The following SEMA6D variants were observed in gnomAD, a reference collection of about 807,000 sequenced individuals.
SEMA6D encodes semaphorin-6D.
Under a neutral mutation model 106.6 loss-of-function variants are expected in SEMA6D, and 35 were observed. The ratio of observed to expected loss-of-function variants is 0.33; its 90% CI spans 0.25 to 0.44. SEMA6D has a LOEUF of 0.44. Among genes scored for constraint, SEMA6D ranks in the 20% least tolerant of loss-of-function variants. The pLI, the probability that SEMA6D is intolerant of heterozygous loss-of-function variation, is 1.00. For synonymous variants in SEMA6D, 499 were observed against 487.7 expected, an observed-to-expected ratio of 1.02 and a Z score of -0.31; for missense variants, 1,185 against 1,345.9, an observed-to-expected ratio of 0.88 and a Z score of 1.87.
At position 47,609,427 on chromosome 15, in the gene SEMA6D, T is replaced by C. The variant is rs1329967503; in HGVS notation, c.-55+8531T>C. Among the ~76,000 whole-genome samples, 4 of 152,264 alleles carry C rather than the reference T, an allele frequency of 2.6e-5. No homozygotes were observed. The East Asian group carries it at 7.7e-4, about 29-fold the overall frequency. ...AATGTACAAATATGAGTCTACAAGT[T>C]TAAAAACAGAAAACAGAAGACTTTT... On this transcript the variant is annotated intron_variant, in intron 4 of 19. Coordinates refer to the SEMA6D transcript ENST00000558014.
intron 1 of SEMA6D, among the ~76,000 whole-genome samples, chr15:47,244,512 A>G (rs2033095884): frequency 6.6e-6 from 1 of 152,190 alleles, no homozygotes; most frequent in South Asian, 2.1e-4. Flanking sequence ...TGTGATAAAT[A>G]GTATTATTAC....
At chr15:47,286,051 G>T (rs1432696524) in intron 1 of SEMA6D, among the ~76,000 whole-genome samples, 1 of 152,118 alleles carries the variant, frequency 6.6e-6, no homozygotes, top group Non-Finnish European at 1.5e-5. Flanking sequence ...TTGACTCTAT[G>T]CCTTATTCAG....
chr15:47,444,194 T>C (rs1274585495), intron 2 of SEMA6D, among the ~76,000 whole-genome samples: 1 of 152,266 alleles, frequency 6.6e-6, no homozygotes, highest in East Asian at 1.9e-4. Flanking sequence ...GAGTTTATAA[T>C]CATGTGCACA....
chr15:47,718,250 G>C (rs1464626712), intron 1 of SEMA6D, among the ~76,000 whole-genome samples: 2 of 152,184 alleles, frequency 1.3e-5, no homozygotes, highest in East Asian at 1.9e-4. Flanking sequence ...GCCCCAGAGC[G>C]GACGCTGGGA....
intron 1 of SEMA6D, among the ~76,000 whole-genome samples, chr15:47,199,653 G>T (rs1449209336): frequency 6.6e-6 from 1 of 152,192 alleles, no homozygotes; most frequent in East Asian, 1.9e-4. Flanking sequence ...ATTCCATCTT[G>T]ACCTGTGCTC....
chr15:47,675,284 A>T (rs2078220133), intron 4 of SEMA6D, among the ~76,000 whole-genome samples: 1 of 152,178 alleles, frequency 6.6e-6, no homozygotes, highest in South Asian at 2.1e-4. Flanking sequence ...TCAGAATGTG[A>T]CCATATTTGG....
At chr15:47,259,810 G>T (rs1185375797) in intron 1 of SEMA6D, among the ~76,000 whole-genome samples, 1 of 151,984 alleles carries the variant, frequency 6.6e-6, no homozygotes, top group Non-Finnish European at 1.5e-5. Context: ...TTGATGATAT[G>T]AGTGTTGGAT....
At chr15:47,304,611 C>T (rs953581261) in intron 1 of SEMA6D, among the ~76,000 whole-genome samples, 2 of 152,018 alleles carry the variant, frequency 1.3e-5, no homozygotes, top group African/African-American at 2.4e-5. Context: ...CAAGATGATC[C>T]AAAATATTCC....
At chr15:47,210,412 A>G (rs960126436) in intron 1 of SEMA6D, among the ~76,000 whole-genome samples, 4 of 152,014 alleles carry the variant, frequency 2.6e-5, no homozygotes, top group African/African-American at 9.7e-5. Context: ...TGGCCATGTG[A>G]TATTTCTTTG....
At chr15:47,466,067 A>T (rs1038086691) in intron 2 of SEMA6D, among the ~76,000 whole-genome samples, 33 of 152,332 alleles carry the variant, frequency 2.2e-4, no homozygotes, top group African/African-American at 7.2e-4. Context: ...CAAGGTATGC[A>T]AAATGATTTG....
At chr15:47,551,693 G>GTGTGTGTGTGTGTGTA (rs1183138215) in intron 3 of SEMA6D, among the ~76,000 whole-genome samples, 1 of 151,864 alleles carries the variant, frequency 6.6e-6, no homozygotes, top group African/African-American at 2.4e-5. Context: ...GTGTGTGTGT[G>GTGTGTGTGTGTGTGTA]TGTGTGTCCC....
At position 47,393,995 on chromosome 15, in the gene SEMA6D, G is replaced by A. The variant is rs956923179; in HGVS notation, c.-238-18398G>A. On this transcript the variant is annotated intron_variant, in intron 1 of 19. Coordinates refer to the SEMA6D transcript ENST00000558014. ...CAAATTTCTTAAAGTCTTTTAGCAA[G>A]TGAGAGGCAGGATAGATATTTGGAC... Among the ~76,000 whole-genome samples, 6 of 152,166 alleles carry A rather than the reference G, an allele frequency of 3.9e-5. No individual in the cohort carries two copies. In the South Asian group the frequency reaches 1.2e-3, roughly 32 times the overall value.
chr15:47,759,876 T>C lies in SEMA6D; in HGVS notation c.78T>C (p.Asp26=), dbSNP rs746533424. 5.6e-6 allele frequency: 9 copies of C among 1,613,422 alleles called. No homozygotes were observed. Among genetic ancestry groups the C allele is most frequent in the Non-Finnish European group, 5.9e-6 (7 of 1,179,504 alleles). Reference sequence around the variant, plus strand: ...TGAGGGCAGTCAGCTTTCCTGAAGATGATGAACCCCTTAATACTGTCGACT... The same window carrying C: ...TGAGGGCAGTCAGCTTTCCTGAAGACGATGAACCCCTTAATACTGTCGACT... The part of the protein sequence containing the change: ...SQLRAVSFPE[D]DEPLNTVDYH... Residue 26 remains aspartate, a synonymous_variant, in exon 2 of 19, where the codon GAT becomes GAC. Coordinates refer to ENST00000536845, the MANE Select transcript of SEMA6D (RefSeq NM_001358351.3).
At chr15:47,660,454 G>A (rs1232226872) in intron 4 of SEMA6D, among the ~76,000 whole-genome samples, 1 of 152,092 alleles carries the variant, frequency 6.6e-6, no homozygotes, top group Non-Finnish European at 1.5e-5. Context: ...TAAAAAATAA[G>A]AGTAGCAAGG....
chr15:47,567,603 A>G (rs557980726), intron 3 of SEMA6D, among the ~76,000 whole-genome samples: 4 of 152,270 alleles, frequency 2.6e-5, no homozygotes, highest in Middle Eastern at 6.8e-3. Flanking sequence ...ATTCCTGGAC[A>G]CTTCTTTCGT....
intron 1 of SEMA6D, among the ~76,000 whole-genome samples, chr15:47,249,685 A>G (rs958929922): frequency 3.9e-5 from 6 of 152,210 alleles, no homozygotes; most frequent in Admixed American, 3.3e-4. Context: ...GGGAAGAGGC[A>G]GCATAGAATA....
chr15:47,233,852 A>G (rs534203163), intron 1 of SEMA6D, among the ~76,000 whole-genome samples: 7 of 152,142 alleles, frequency 4.6e-5, no homozygotes, highest in African/African-American at 1.7e-4. Context: ...ATAAGATCAA[A>G]TCATTCACAG....
chr15:47,401,549 C>G (rs2040400764), intron 1 of SEMA6D, among the ~76,000 whole-genome samples: 1 of 152,184 alleles, frequency 6.6e-6, no homozygotes, highest in Non-Finnish European at 1.5e-5. Flanking sequence ...CTTCTTCCTT[C>G]CACCTGCTCA....
chr15:47,525,093 A>T (rs1212126671), intron 3 of SEMA6D: 1 of 152,152 alleles, frequency 6.6e-6, no homozygotes, highest in African/African-American at 2.4e-5. Flanking sequence ...TTCATCTGTC[A>T]TACTTCCATG....
Sources: allele counts gnomAD v4.1 joint callset (sites outside exome capture counted in the v4.1 genomes callset), GRCh38; gene constraint gnomAD v4.1.1; transcripts MANE v1.5; gene names NCBI Gene and HGNC (gene_info 2026-07-23, HGNC 2026-07-21).